Variants in MYOM1 observed in about 807,000 individuals in gnomAD.
The protein encoded by MYOM1 is myomesin 1, also known as myomesin-1.
In MYOM1, 164 loss-of-function variants were observed where a neutral mutation model predicts 205.3. The ratio of observed to expected loss-of-function variants is 0.80; its 90% confidence interval spans 0.70 to 0.91. The LOEUF (loss-of-function observed/expected upper bound fraction) is 0.91, where lower values mean the gene tolerates loss of function less well. MYOM1 is among the 40% of genes least tolerant of loss of function. MYOM1 has a pLI of 0.00. For missense variants in MYOM1, 2,011 were observed against 2,127.3 expected, an observed-to-expected ratio of 0.95 and a Z score of 1.08; for synonymous variants, 772 against 789.4, an observed-to-expected ratio of 0.98 and a Z score of 0.37.
At chr18:3,244,354 C>T in the MYOM1 span, among the ~76,000 whole-genome samples, 1 of 152,106 alleles carries the variant, frequency 6.6e-6, no homozygotes, top group Non-Finnish European at 1.5e-5. Flanking sequence ...AATTGTGTGT[C>T]CCCTCCCTGC....
intron 10 of MYOM1, among the ~76,000 whole-genome samples, chr18:3,162,745 A>G (rs1265366330): frequency 6.9e-6 from 1 of 145,178 alleles, no homozygotes; most frequent in Non-Finnish European, 1.5e-5. Context: ...ACCACTGAAA[A>G]GGCCGGGCGT....
chr18:3,163,879 G>C (rs2080431720), intron 10 of MYOM1, among the ~76,000 whole-genome samples: 1 of 151,002 alleles, frequency 6.6e-6, no homozygotes, highest in African/African-American at 2.4e-5. Context: ...TTGAGACGGG[G>C]TCTTGTTCTA....
At chr18:3,176,173 G>GTT in intron 5 of MYOM1, 39 bp from the exon 6 acceptor site, 1 of 1,216,782 alleles carries the variant, frequency 8.2e-7, no homozygotes, top group Non-Finnish European at 1.2e-6. Flanking sequence ...AAGTTGAAGT[G>GTT]TAAACAACTT....
intron 28 of MYOM1, 93 bp downstream of exon 28, chr18:3,089,444 A>G: frequency 1.0e-6 from 1 of 962,068 alleles, no homozygotes; most frequent in Non-Finnish European, 1.5e-6. Context: ...AACATAATCA[A>G]TAATATTCAT....
intron 18 of MYOM1, 26 bp from the exon 19 acceptor site, chr18:3,126,923 G>A (rs368313469): frequency 5.1e-5 from 81 of 1,577,376 alleles, no homozygotes; most frequent in Non-Finnish European, 6.3e-5. Flanking sequence ...TAGCTTGTGA[G>A]TAGGCAGAAA....
chr18:3,214,854 G>A lies in MYOM1; in HGVS notation c.290+80C>T, dbSNP rs141045748. On this transcript the variant is annotated intron_variant, in intron 2 of 37. Coordinates refer to ENST00000356443, the MANE Select transcript of MYOM1 (RefSeq NM_003803.4). ...AAAACCAAAACCGAACCGAAACAAA[G>A]CGAGAAGTAACTGGGAGGGTTACTC... The A allele has an allele frequency of 2.2e-3, 3,193 of 1,451,014 alleles. 6 individuals are homozygous for A. Among genetic ancestry groups the A allele is most frequent in the Admixed American group, 6.1e-3 (239 of 39,334 alleles). 89.9% of individuals were successfully genotyped at this position (1,451,014 alleles called of 1,614,324 possible).
intron 10 of MYOM1, among the ~76,000 whole-genome samples, chr18:3,160,921 T>C (rs1158477651): frequency 1.3e-5 from 2 of 152,124 alleles, no homozygotes; most frequent in Non-Finnish European, 2.9e-5. Context: ...CGCTGAGAAA[T>C]GTTGAGGAAC....
intron 17 of MYOM1, among the ~76,000 whole-genome samples, chr18:3,129,940 C>A (rs2079850792): frequency 6.6e-6 from 1 of 152,098 alleles, no homozygotes; most frequent in Admixed American, 6.5e-5. Flanking sequence ...TATAACACCT[C>A]GAATTATGTG....
intron 10 of MYOM1, among the ~76,000 whole-genome samples, chr18:3,159,214 AT>A (rs991335101): frequency 6.6e-5 from 10 of 152,094 alleles, no homozygotes; most frequent in Non-Finnish European, 1.0e-4. Context: ...TATATTATCT[AT>A]TTTTTTCACA....
intron 34 of MYOM1, 58 bp from the exon 35 acceptor site, chr18:3,075,819 G>A (rs2079016064): frequency 1.2e-5 from 18 of 1,466,784 alleles, no homozygotes; most frequent in Non-Finnish European, 1.7e-5. Context: ...GACACACAGG[G>A]GCGATTAAAA....
intron 34 of MYOM1, among the ~76,000 whole-genome samples, chr18:3,078,966 C>T (rs1338578191): frequency 6.9e-6 from 1 of 145,190 alleles, no homozygotes; most frequent in Admixed American, 7.3e-5. Context: ...GCCACTTTAC[C>T]CAGCTACTTT....
In MYOM1 at chr18:3,129,355, G is replaced by A. The variant is rs2079842282; in HGVS notation, c.2671C>T (p.Leu891=). The A allele has an allele frequency of 6.2e-7, 1 of 1,613,958 alleles. No homozygotes were observed. Among genetic ancestry groups the A allele is most frequent in the Non-Finnish European group, 8.5e-7 (1 of 1,179,878 alleles). Residue 891 remains leucine, a synonymous_variant, in exon 18 of 38, where the codon CTG becomes TTG. Transcript: ENST00000356443. ...KPSLPSSSQN[L]GQTEVSKVSE... The stretch of plus-strand genomic sequence containing the variant: ...ACTTTACTCACTTCTGTTTGGCCCA[G>A]GTTTTGAGAGCTACTGGGTAGTGAA...
intron 14 of MYOM1, among the ~76,000 whole-genome samples, chr18:3,139,912 T>C (rs940923815): frequency 6.6e-6 from 1 of 152,200 alleles, no homozygotes; most frequent in Non-Finnish European, 1.5e-5. Flanking sequence ...AAGCCAAAGT[T>C]GACTCATCTG....
chr18:3,116,928 C>T (rs1428596545), intron 20 of MYOM1, among the ~76,000 whole-genome samples: 1 of 152,168 alleles, frequency 6.6e-6, no homozygotes, highest in African/African-American at 2.4e-5. Context: ...GTGATGGTAG[C>T]TCACTGTAAC....
At chr18:3,123,827 A>ATTTTTTTTTTTTTTTTTTTTTTTTTTT (rs5822739) in intron 19 of MYOM1, among the ~76,000 whole-genome samples, 2 of 147,382 alleles carry the variant, frequency 1.4e-5, no homozygotes, top group African/African-American at 2.6e-5. Context: ...ATTTTTATTT[A>ATTTTTTTTTTTTTTTTTTTTTTTTTTT]TTTATTTTTT....
intron 11 of MYOM1, among the ~76,000 whole-genome samples, chr18:3,153,987 G>A (rs888711252): frequency 2.0e-5 from 3 of 152,132 alleles, no homozygotes; most frequent in African/African-American, 7.2e-5. Context: ...GAGCCTCTAA[G>A]TTTTGGAGAA....
intron 2 of MYOM1, among the ~76,000 whole-genome samples, chr18:3,201,904 A>C (rs2081073445): frequency 6.6e-6 from 1 of 152,110 alleles, no homozygotes; most frequent in South Asian, 2.1e-4. Context: ...TCGGCCTCTG[A>C]AAGTGCTGGA....
chr18:3,122,534 A>G (rs1028806654), intron 19 of MYOM1, among the ~76,000 whole-genome samples: 4 of 152,214 alleles, frequency 2.6e-5, no homozygotes, highest in African/African-American at 7.2e-5. Flanking sequence ...ATAAAGGGAG[A>G]CTATCCTGCA....
At chr18:3,239,836 G>A in the MYOM1 span, among the ~76,000 whole-genome samples, 2 of 151,522 alleles carry the variant, frequency 1.3e-5, no homozygotes, top group Non-Finnish European at 2.9e-5. Flanking sequence ...TGGGCATCGA[G>A]GGCCCACTTG....
Sources: gnomAD v4.1 joint callset for allele counts (sites outside exome capture counted in the v4.1 genomes callset) on GRCh38, gnomAD v4.1.1 for gene constraint, MANE v1.5 for transcripts, NCBI Gene and HGNC (gene_info 2026-07-23, HGNC 2026-07-21) for gene names.